Variants in ZNF521 observed in about 807,000 individuals in gnomAD.
ZNF521 encodes zinc finger protein 521.
A neutral mutation model predicts 105.5 loss-of-function variants in ZNF521; 14 were observed. That is an observed-to-expected ratio of 0.13 (90% CI 0.09 to 0.21). The LOEUF is 0.21. ZNF521 is among the 10% of genes least tolerant of loss of function. The pLI, the probability that ZNF521 is intolerant of heterozygous loss-of-function variation, is 1.00. For missense variants in ZNF521, 1,233 were observed against 1,629.7 expected, an observed-to-expected ratio of 0.76 and a Z score of 4.19; for synonymous variants, 635 against 606.0, an observed-to-expected ratio of 1.05 and a Z score of -0.70.
intron 4 of ZNF521, among the ~76,000 whole-genome samples, chr18:25,211,708 T>C (rs2036182440): frequency 6.6e-6 from 1 of 152,234 alleles, no homozygotes; most frequent in Non-Finnish European, 1.5e-5. Flanking sequence ...TATATGATGT[T>C]TGGTAAACAT....
intron 3 of ZNF521, among the ~76,000 whole-genome samples, chr18:25,291,819 G>C (rs932848189): frequency 6.6e-6 from 1 of 152,030 alleles, no homozygotes; most frequent in African/African-American, 2.4e-5. Context: ...TAGAATTTCT[G>C]AGTTTCCAGA....
chr18:25,300,841 T>C (rs935627464), intron 3 of ZNF521, among the ~76,000 whole-genome samples: 14 of 152,216 alleles, frequency 9.2e-5, no homozygotes, highest in Non-Finnish European at 1.9e-4. Context: ...AGTCAAATAC[T>C]TTCCCACCCT....
intron 3 of ZNF521, among the ~76,000 whole-genome samples, chr18:25,253,164 A>G (rs1038398008): frequency 6.6e-6 from 1 of 152,100 alleles, no homozygotes; most frequent in South Asian, 2.1e-4. Flanking sequence ...AAATCCATAC[A>G]CCTCTTAAGA....
intron 5 of ZNF521, among the ~76,000 whole-genome samples, chr18:25,102,771 T>C (rs921515573): frequency 5.9e-5 from 9 of 152,096 alleles, no homozygotes; most frequent in African/African-American, 2.2e-4. Flanking sequence ...AATCCAAGAT[T>C]ATACTGTCCC....
chr18:25,092,055 G>A lies in ZNF521; in HGVS notation c.3685C>T (p.Leu1229Phe), dbSNP rs1465228100. The part of the protein sequence containing the change: ...IDEGLNHECK[L>F]CSQTFDSPAK... ...GGAGAGTCAAAGGTCTGGCTGCAGA[G>A]TTTGCATTCATGGTTCAGTCCTTCA... The change falls in exon 6 of 8, where the codon CTC (leucine) becomes TTC (phenylalanine). Residue 1229 changes from leucine (L) to phenylalanine (F), a missense_variant. Transcript: ENST00000361524. 6.2e-7 allele frequency: 1 copy of A among 1,613,866 alleles called. No individual in the cohort carries two copies.
chr18:25,243,898 C>T (rs953234492), intron 3 of ZNF521, among the ~76,000 whole-genome samples: 9 of 152,194 alleles, frequency 5.9e-5, no homozygotes, highest in Admixed American at 2.6e-4. Flanking sequence ...TACCAAAATA[C>T]TTAGAAAAAG....
intron 7 of ZNF521, among the ~76,000 whole-genome samples, chr18:25,066,614 CAA>C (rs1430722004): frequency 2.0e-5 from 3 of 152,088 alleles, no homozygotes; most frequent in Non-Finnish European, 4.4e-5. Flanking sequence ...GAAAGGGAGA[CAA>C]GAGGCAAGTG....
chr18:25,068,737 A>G (rs1022741689), intron 7 of ZNF521, among the ~76,000 whole-genome samples: 1 of 152,190 alleles, frequency 6.6e-6, no homozygotes, highest in African/African-American at 2.4e-5. Flanking sequence ...GTAGTGGGCA[A>G]TGGAGGGACA....
chr18:25,150,141 T>C (rs768428527), intron 5 of ZNF521, among the ~76,000 whole-genome samples: 1 of 152,160 alleles, frequency 6.6e-6, no homozygotes, highest in East Asian at 1.9e-4. Context: ...TGGATGGAAC[T>C]GGAGACCATC....
At chr18:25,286,108 C>T (rs1910695743) in intron 3 of ZNF521, among the ~76,000 whole-genome samples, 1 of 152,226 alleles carries the variant, frequency 6.6e-6, no homozygotes. Flanking sequence ...GCAGTGCGCG[C>T]TCTCAGGGGA....
chr18:25,157,756 C>T (rs1172445187), intron 5 of ZNF521, among the ~76,000 whole-genome samples: 4 of 146,084 alleles, frequency 2.7e-5, no homozygotes, highest in Non-Finnish European at 4.5e-5. Flanking sequence ...ACTAAACCTT[C>T]TTTTTTTTTT....
Position 25,225,608 on chromosome 18 carries a change from A to G in ZNF521, c.2310T>C (p.His770=). 6.2e-7 allele frequency: 1 copy of G among 1,614,188 alleles called. No homozygotes were observed. Among genetic ancestry groups the G allele is most frequent in the Non-Finnish European group, 8.5e-7 (1 of 1,180,034 alleles). ...DFRNETDLQL[H]VKHNHLENQG... is the part of the protein sequence containing the mutation. ...GGTTTTCCAGGTGGTTGTGTTTCAC[A>G]TGGAGCTGCAAGTCAGTTTCGTTGC... The change falls in exon 4 of 8, where the codon CAT becomes CAC. Residue 770 remains histidine (H), a synonymous_variant. Coordinates refer to ENST00000361524, the MANE Select transcript of ZNF521 (RefSeq NM_015461.3). The surrounding 1 kb of genome is among the most constrained non-coding windows in gnomAD (Gnocchi z 5.6).
chr18:25,232,113 AG>A (rs1906575687), intron 3 of ZNF521, among the ~76,000 whole-genome samples: 1 of 152,212 alleles, frequency 6.6e-6, no homozygotes, highest in African/African-American at 2.4e-5. Flanking sequence ...TTACTTTTCA[AG>A]TGAGGAGAAG....
chr18:25,333,207 T>A (rs1041294832), intron 2 of ZNF521, among the ~76,000 whole-genome samples: 1 of 151,408 alleles, frequency 6.6e-6, no homozygotes, highest in Admixed American at 6.6e-5. Context: ...CAATCACACA[T>A]AGGAGGAAAT....
chr18:25,063,528 T>C (rs1363666520), intron 7 of ZNF521, among the ~76,000 whole-genome samples: 2 of 151,952 alleles, frequency 1.3e-5, no homozygotes, highest in East Asian at 3.9e-4. Context: ...TGTGAGAGGG[T>C]AACTGGGATT....
At chr18:25,069,908 C>G (rs933621224) in intron 7 of ZNF521, among the ~76,000 whole-genome samples, 1 of 152,124 alleles carries the variant, frequency 6.6e-6, no homozygotes, top group African/African-American at 2.4e-5. Context: ...CATTTATGAT[C>G]ATGTTTGCAC....
chr18:25,224,808 A>T lies in ZNF521; in HGVS notation c.3110T>A (p.Ile1037Asn). The change falls in exon 4 of 8, where the codon ATC (isoleucine) becomes AAC (asparagine). Residue 1037 changes from isoleucine to asparagine, a missense_variant. Around this residue, in one of 6 missense-constraint regions of ZNF521, gnomAD observed 614 missense variants for 751.5 expected, o/e 0.82. Transcript: ENST00000361524. ...CTTTTGCATGTGGAACGTCCCATGGATTTTGAGTTCCAAGGTGGAGGTCAC... is the reference window on the plus strand; with the variant it reads ...CTTTTGCATGTGGAACGTCCCATGGTTTTTGAGTTCCAAGGTGGAGGTCAC... ...QTVTSTLELK[I>N]HGTFHMQKTG... 1 of 1,613,956 alleles carries T rather than the reference A, an allele frequency of 6.2e-7. No homozygotes were observed. Among genetic ancestry groups the T allele is most frequent in the Non-Finnish European group, 8.5e-7 (1 of 1,180,002 alleles).
intron 5 of ZNF521, among the ~76,000 whole-genome samples, chr18:25,179,496 A>C (rs1435310459): frequency 6.6e-6 from 1 of 151,994 alleles, no homozygotes; most frequent in African/African-American, 2.4e-5. Context: ...ATGTGTGTAT[A>C]TGTGTTTGTT....
intron 4 of ZNF521, among the ~76,000 whole-genome samples, chr18:25,223,294 TGC>T (rs1203412284): frequency 6.6e-6 from 1 of 152,208 alleles, no homozygotes; most frequent in Non-Finnish European, 1.5e-5. Flanking sequence ...GGAGTTTGCC[TGC>T]CACACAGATG....
Sources: allele counts gnomAD v4.1 joint callset (sites outside exome capture counted in the v4.1 genomes callset), GRCh38; gene constraint gnomAD v4.1.1; regional missense constraint gnomAD v4.1.1; non-coding constraint Gnocchi (gnomAD v3.1); transcripts MANE v1.5; gene names NCBI Gene and HGNC (gene_info 2026-07-23, HGNC 2026-07-21).